NKAIN3: variants seen among roughly 807,000 people sequenced by gnomAD.
NKAIN3 encodes sodium/potassium transporting ATPase interacting 3, also known as sodium/potassium-transporting ATPase subunit beta-1-interacting protein 3.
Under a neutral mutation model 30.2 loss-of-function variants are expected in NKAIN3, and 25 were observed. The ratio of observed to expected loss-of-function variants is 0.83; its 90% CI spans 0.60 to 1.16. The LOEUF is 1.16. Ranked by LOEUF, NKAIN3 falls within the 50% of genes most tolerant of loss-of-function variation. The probability of loss-of-function intolerance (pLI) is 0.00; values close to 1 mark genes in which losing one functional copy is unlikely to be tolerated. For missense variants in NKAIN3, 225 were observed against 254.1 expected, an observed-to-expected ratio of 0.89 and a Z score of 0.78; for synonymous variants, 91 against 89.6, an observed-to-expected ratio of 1.02 and a Z score of -0.09.
chr8:62,476,251 G>C (rs969369505), intron 1 of NKAIN3, among the ~76,000 whole-genome samples: 2 of 152,110 alleles, frequency 1.3e-5, no homozygotes, highest in Admixed American at 1.3e-4. Flanking sequence ...AAAGCACAGA[G>C]GGAAGTGACA....
chr8:62,752,061 A>C (rs1409625626), intron 4 of NKAIN3, among the ~76,000 whole-genome samples: 1 of 152,236 alleles, frequency 6.6e-6, no homozygotes, highest in African/African-American at 2.4e-5. Flanking sequence ...TGAATGAATA[A>C]ATGATCAACA....
chr8:62,299,918 T>C lies in NKAIN3; in HGVS notation c.54+50791T>C, dbSNP rs978744131. 2.6e-5 allele frequency among the ~76,000 whole-genome samples: 4 copies of C among 152,274 alleles called. No homozygotes were observed. In the South Asian group the frequency reaches 8.3e-4, roughly 32 times the overall value. ...AGTTTAAAAATTGTCTTTTAAAAAT[T>C]GATATGCTGCTTTAAATTGTAGTGT... On this transcript the variant is annotated intron_variant, in intron 1 of 6. Coordinates refer to ENST00000623646, the MANE Select transcript of NKAIN3 (RefSeq NM_001304533.3).
chr8:62,602,519 T>C (rs530293273), intron 3 of NKAIN3, among the ~76,000 whole-genome samples: 45 of 152,224 alleles, frequency 3.0e-4, no homozygotes, highest in African/African-American at 1.0e-3. Flanking sequence ...CCTCTTTCTG[T>C]TTCATAAAAC....
chr8:62,815,910 T>C (rs976067234), intron 4 of NKAIN3, among the ~76,000 whole-genome samples: 4 of 152,320 alleles, frequency 2.6e-5, no homozygotes, highest in Admixed American at 2.6e-4. Context: ...TCTATCTCTT[T>C]GTTGAATTTT....
intron 6 of NKAIN3, among the ~76,000 whole-genome samples, chr8:62,957,865 G>T (rs1349604576): frequency 1.3e-5 from 2 of 152,140 alleles, no homozygotes; most frequent in African/African-American, 4.8e-5. Flanking sequence ...TAGGCTTCGA[G>T]TGACTATATC....
intron 1 of NKAIN3, among the ~76,000 whole-genome samples, chr8:62,473,668 G>A (rs1806426624): frequency 6.6e-6 from 1 of 152,092 alleles, no homozygotes; most frequent in Admixed American, 6.5e-5. Flanking sequence ...TTTTGAACTT[G>A]ACACATTTCT....
chr8:62,349,803 AAGGTAGATATATCAGACCTTCTCC>A (rs1419614678), intron 1 of NKAIN3, among the ~76,000 whole-genome samples: 1 of 152,142 alleles, frequency 6.6e-6, no homozygotes, highest in Non-Finnish European at 1.5e-5. Context: ...TCAAAGAGTG[AAGGTAGATATATCAGACCTTCTCC>A]AGGTGAAGCC....
chr8:62,690,308 C>A (rs1304220415), intron 3 of NKAIN3, among the ~76,000 whole-genome samples: 1 of 152,174 alleles, frequency 6.6e-6, no homozygotes. Flanking sequence ...TGCCCCTGGA[C>A]CAGTCCTGAC....
intron 1 of NKAIN3, among the ~76,000 whole-genome samples, chr8:62,336,665 G>A (rs571940832): frequency 5.3e-5 from 8 of 152,034 alleles, no homozygotes; most frequent in African/African-American, 1.9e-4. Flanking sequence ...CTACTGTTGT[G>A]TAAAAATTGA....
chr8:62,292,676 C>G (rs1813688368), intron 1 of NKAIN3, among the ~76,000 whole-genome samples: 1 of 152,114 alleles, frequency 6.6e-6, no homozygotes, highest in Admixed American at 6.6e-5. Context: ...ACAATTTTTT[C>G]CTTCATTTCA....
chr8:62,358,681 G>T (rs1816437040), intron 1 of NKAIN3, among the ~76,000 whole-genome samples: 1 of 152,138 alleles, frequency 6.6e-6, no homozygotes, highest in African/African-American at 2.4e-5. Context: ...CATTTGTGTG[G>T]CTGAAGAATC....
intron 4 of NKAIN3, among the ~76,000 whole-genome samples, chr8:62,778,637 G>A (rs1817261311): frequency 6.6e-6 from 1 of 152,128 alleles, no homozygotes; most frequent in South Asian, 2.1e-4. Context: ...AACAGGACCA[G>A]AAATGCTTTG....
intron 4 of NKAIN3, among the ~76,000 whole-genome samples, chr8:62,833,441 GA>G (rs1450615410): frequency 6.6e-6 from 1 of 151,278 alleles, no homozygotes; most frequent in East Asian, 1.9e-4. Flanking sequence ...GATTAACAAA[GA>G]AAAAAAGAAA....
At chr8:62,804,208 G>T (rs1441250582) in intron 4 of NKAIN3, among the ~76,000 whole-genome samples, 3 of 152,134 alleles carry the variant, frequency 2.0e-5, no homozygotes, top group Non-Finnish European at 4.4e-5. Context: ...GTACCATTCT[G>T]TCTGAAACTA....
At chr8:62,249,418 C>T (rs1258526142) in intron 1 of NKAIN3, among the ~76,000 whole-genome samples, 4 of 152,228 alleles carry the variant, frequency 2.6e-5, no homozygotes, top group African/African-American at 9.6e-5. Flanking sequence ...GGCCAGGAGC[C>T]GGCGGAGTGA....
At chr8:62,664,893 A>C (rs1436569228) in intron 3 of NKAIN3, among the ~76,000 whole-genome samples, 1 of 152,202 alleles carries the variant, frequency 6.6e-6, no homozygotes, top group Non-Finnish European at 1.5e-5. Flanking sequence ...CCCTTTTCTC[A>C]TCTCTAAATA....
intron 3 of NKAIN3, among the ~76,000 whole-genome samples, chr8:62,730,778 C>G (rs1309752145): frequency 6.6e-6 from 1 of 152,038 alleles, no homozygotes; most frequent in East Asian, 1.9e-4. Context: ...ACTGCAAAAG[C>G]AAAATAAATT....
chr8:62,850,572 G>A (rs1456939870), intron 4 of NKAIN3, among the ~76,000 whole-genome samples: 2 of 151,962 alleles, frequency 1.3e-5, no homozygotes, highest in Non-Finnish European at 2.9e-5. Flanking sequence ...TTTCTTCTAG[G>A]GTTTTTATGG....
intron 1 of NKAIN3, among the ~76,000 whole-genome samples, chr8:62,426,082 TTATCAAGTGCATTTTGGTGAGACTGGA>T (rs1804797681): frequency 6.6e-6 from 1 of 151,982 alleles, no homozygotes; most frequent in Non-Finnish European, 1.5e-5. Context: ...TAATGAGCAA[TTATCAAGTGCATTTTGGTGAGACTGGA>T]AATGTCAAGT....
Sources: gnomAD v4.1 joint callset for allele counts (sites outside exome capture counted in the v4.1 genomes callset) on GRCh38, gnomAD v4.1.1 for gene constraint, MANE v1.5 for transcripts, NCBI Gene and HGNC (gene_info 2026-07-23, HGNC 2026-07-21) for gene names.